Variants in ZNRF1 observed in about 807,000 individuals in gnomAD.
The protein encoded by ZNRF1 is E3 ubiquitin-protein ligase ZNRF1.
In ZNRF1, 3 loss-of-function variants were observed where a neutral mutation model predicts 18.4. The ratio of observed to expected loss-of-function variants is 0.16; its 90% CI spans 0.07 to 0.42. ZNRF1 has a LOEUF of 0.42. Ranked by LOEUF, ZNRF1 falls within the 10% of genes least tolerant of loss-of-function variation. ZNRF1 has a pLI of 0.99. For synonymous variants in ZNRF1, 157 were observed against 144.2 expected, an observed-to-expected ratio of 1.09 and a Z score of -0.64; for missense variants, 310 against 329.8, an observed-to-expected ratio of 0.94 and a Z score of 0.47.
intron 1 of ZNRF1, among the ~76,000 whole-genome samples, chr16:75,003,590 C>T (rs925470781): frequency 2.6e-5 from 4 of 152,186 alleles, no homozygotes; most frequent in African/African-American, 9.7e-5. Flanking sequence ...GATTGGAATG[C>T]AGGTTGGCTG....
chr16:75,094,231 G>T (rs1323984435), intron 2 of ZNRF1, among the ~76,000 whole-genome samples: 3 of 152,188 alleles, frequency 2.0e-5, no homozygotes, highest in Non-Finnish European at 4.4e-5. Context: ...ACGCTCTGGG[G>T]ATTGAAAATG....
intron 1 of ZNRF1, among the ~76,000 whole-genome samples, chr16:75,060,028 G>A (rs544054515): frequency 7.2e-5 from 11 of 152,072 alleles, no homozygotes; most frequent in South Asian, 4.2e-4. Context: ...TGGACTTGCC[G>A]TTACAAACCA....
At chr16:75,079,742 T>A (rs2035987158) in intron 1 of ZNRF1, among the ~76,000 whole-genome samples, 1 of 152,200 alleles carries the variant, frequency 6.6e-6, no homozygotes, top group Non-Finnish European at 1.5e-5. Flanking sequence ...TGTGGCCTAC[T>A]GGACTGTGCC....
chr16:75,053,589 C>CAAAAAAAA (rs56775288), intron 1 of ZNRF1, among the ~76,000 whole-genome samples: 3 of 71,624 alleles, frequency 4.2e-5, no homozygotes, highest in Non-Finnish European at 6.2e-5. Flanking sequence ...GACTCCATCT[C>CAAAAAAAA]AAAAAAAAAA....
chr16:75,053,134 G>C (rs1178582795), intron 1 of ZNRF1, among the ~76,000 whole-genome samples: 2 of 152,038 alleles, frequency 1.3e-5, no homozygotes, highest in South Asian at 2.1e-4. Flanking sequence ...AAATCTAGGG[G>C]GCTTTATCTC....
At chr16:75,075,022 C>T (rs1024355357) in intron 1 of ZNRF1, among the ~76,000 whole-genome samples, 1 of 151,900 alleles carries the variant, frequency 6.6e-6, no homozygotes, top group African/African-American at 2.4e-5. Flanking sequence ...CTTTGCCAAC[C>T]CCTGCCTGGG....
chr16:75,084,279 A>G (rs1389499321), intron 1 of ZNRF1: 1 of 152,254 alleles, frequency 6.6e-6, no homozygotes, highest in Non-Finnish European at 1.5e-5. Context: ...ATATTTGGTG[A>G]ACAGCATTGA....
At chr16:75,047,770 C>A (rs986351859) in intron 1 of ZNRF1, among the ~76,000 whole-genome samples, 1 of 152,134 alleles carries the variant, frequency 6.6e-6, no homozygotes, top group East Asian at 1.9e-4. Context: ...GCTGTACTAC[C>A]AACTGGGTAG....
intron 1 of ZNRF1, among the ~76,000 whole-genome samples, chr16:75,059,233 T>C (rs1484312753): frequency 8.1e-6 from 1 of 123,750 alleles, no homozygotes; most frequent in Non-Finnish European, 1.7e-5. Flanking sequence ...TTCTTTCTTT[T>C]TTTTTTTTTT....
At chr16:75,011,072 T>A (rs2034993644) in intron 1 of ZNRF1, among the ~76,000 whole-genome samples, 1 of 152,220 alleles carries the variant, frequency 6.6e-6, no homozygotes, top group Non-Finnish European at 1.5e-5. Flanking sequence ...AGGCCTCATC[T>A]GACGTGGTCA....
rs749652654 is a variant in ZNRF1 at position 75,110,426 on chromosome 16, C to T, written c.*2726C>T. On this transcript the variant is annotated 3_prime_UTR_variant, in exon 5 of 5. Coordinates refer to ENST00000335325, the MANE Select transcript of ZNRF1 (RefSeq NM_032268.5). ...TTTGATGAGGTTCCTGGACGTGAGA[C>T]CCTCACAAAGACCAACCATTCCTCT... is the stretch of plus-strand genomic sequence containing the variant. 1.3e-5 allele frequency: 2 copies of T among 152,242 alleles called. No individual in the cohort carries two copies. Among genetic ancestry groups the T allele is most frequent in the African/African-American group, 2.4e-5 (1 of 41,464 alleles). 9.4% of individuals were successfully genotyped at this position (152,242 alleles called of 1,614,324 possible).
chr16:75,107,921 C>T lies in ZNRF1; in HGVS notation c.*221C>T. ...AAGAATGAATCAACTGCTATCCTTC[C>T]CCTCACCCCTCAGCCCAGGAGGGAA... On this transcript the variant is annotated 3_prime_UTR_variant, in exon 5 of 5. Transcript: ENST00000335325. The T allele has an allele frequency of 1.5e-5, 6 of 405,734 alleles. No individual in the cohort carries two copies. Among genetic ancestry groups the T allele is most frequent in the South Asian group, 8.7e-5 (5 of 57,204 alleles). The allele number at this position is 405,734 out of a possible 1,614,324, so 25.1% of individuals were successfully genotyped here.
intron 2 of ZNRF1, chr16:75,095,627 C>T (rs1183643155): frequency 1.0e-5 from 16 of 1,549,774 alleles, no homozygotes; most frequent in Non-Finnish European, 1.4e-5. Flanking sequence ...CAGAGGGGCT[C>T]AGCCTGAGAA....
At chr16:75,003,528 G>T (rs1326433299) in intron 1 of ZNRF1, among the ~76,000 whole-genome samples, 2 of 152,168 alleles carry the variant, frequency 1.3e-5, no homozygotes, top group Non-Finnish European at 1.5e-5. Flanking sequence ...ACAGGTTTGG[G>T]GAGGTTAAGG....
intron 1 of ZNRF1, among the ~76,000 whole-genome samples, chr16:75,091,874 T>G (rs1387115864): frequency 6.6e-6 from 1 of 152,062 alleles, no homozygotes; most frequent in Non-Finnish European, 1.5e-5. Context: ...ACTTAACTAC[T>G]AATAGCCTAC....
At chr16:75,000,306 G>C (rs1396839347) in intron 1 of ZNRF1, 18 of 772,680 alleles carry the variant, frequency 2.3e-5, no homozygotes, top group Non-Finnish European at 4.0e-5. Flanking sequence ...AGGGACTCAC[G>C]GCGTGTGTTC....
In ZNRF1 at chr16:74,999,663, C is replaced by G; in HGVS notation, c.-9C>G. The stretch of plus-strand genomic sequence containing the variant: ...TCCAGGTTCCCGCCCCACCGGGGCC[C>G]GGGCGAGCATGGGGGGCAAGCAGAG... On this transcript the variant is annotated 5_prime_UTR_variant, in exon 1 of 5. Transcript: ENST00000335325. 4 of 1,334,452 alleles carry G rather than the reference C, an allele frequency of 3.0e-6. No homozygotes were observed. Among genetic ancestry groups the G allele is most frequent in the Non-Finnish European group, 3.8e-6 (4 of 1,048,888 alleles). 82.7% of individuals were successfully genotyped at this position (1,334,452 alleles called of 1,614,324 possible). A position where few individuals can be genotyped will look rare whatever the true frequency, so the allele number is the denominator to read the frequency against.
At position 75,095,393 on chromosome 16, in the gene ZNRF1, G is replaced by A. The variant is rs144659452; in HGVS notation, c.520+1726G>A. Among the ~76,000 whole-genome samples, 12 of 152,114 alleles carry A rather than the reference G, an allele frequency of 7.9e-5. No individual in the cohort carries two copies. The East Asian group carries it at 1.6e-3, about 20-fold the overall frequency. Reference sequence around the variant, plus strand: ...CCTGTCGCATGCATGCTGTCAGGACGCTCAGGCTCAGCTTTGTCCCTGTTC... The same window carrying A: ...CCTGTCGCATGCATGCTGTCAGGACACTCAGGCTCAGCTTTGTCCCTGTTC... On this transcript the variant is annotated intron_variant, in intron 2 of 4. Transcript: ENST00000335325.
rs529710007 is a variant in ZNRF1, at chr16:75,090,410, G to T, written c.425-3162G>T. ...TTGTGTCCTTTTTGTGGAGAACGGG[G>T]TCTCACTGTGTTGCCCGGGCAGGTC... is the stretch of plus-strand genomic sequence containing the variant. On this transcript the variant is annotated intron_variant, in intron 1 of 4. Transcript: ENST00000335325. 2.3e-3 allele frequency among the ~76,000 whole-genome samples: 353 copies of T among 152,184 alleles called. 1 individual carries two copies. Among genetic ancestry groups the T allele is most frequent in the Non-Finnish European group, 3.5e-3 (237 of 68,008 alleles).
Sources: gnomAD v4.1 joint callset for allele counts (sites outside exome capture counted in the v4.1 genomes callset) on GRCh38, gnomAD v4.1.1 for gene constraint, MANE v1.5 for transcripts, NCBI Gene and HGNC (gene_info 2026-07-23, HGNC 2026-07-21) for gene names.